LRRK2: variants seen among roughly 807,000 people sequenced by gnomAD.
LRRK2 encodes the protein leucine-rich repeat serine/threonine-protein kinase 2.
In LRRK2, 203 loss-of-function variants were observed where a neutral mutation model predicts 302.6. The ratio of observed to expected loss-of-function variants is 0.67; its 90% CI spans 0.60 to 0.75. The LOEUF is 0.75. Ranked by LOEUF, LRRK2 falls within the 30% of genes least tolerant of loss-of-function variation. The probability of loss-of-function intolerance (pLI) is 0.00; values close to 1 mark genes in which losing one functional copy is unlikely to be tolerated. For missense variants in LRRK2, 2,830 were observed against 2,951.0 expected, an observed-to-expected ratio of 0.96 and a Z score of 0.95; for synonymous variants, 1,066 against 1,031.9, an observed-to-expected ratio of 1.03 and a Z score of -0.63.
At chr12:40,326,915 A>G (rs182745556) in intron 38 of LRRK2, among the ~76,000 whole-genome samples, 72 of 152,320 alleles carry the variant, frequency 4.7e-4, no homozygotes, top group African/African-American at 1.6e-3. Flanking sequence ...AAATAAGTTA[A>G]TTATTTTAAT....
intron 30 of LRRK2, 127 bp from the exon 31 acceptor site, chr12:40,310,304 T>C (rs1160192082): frequency 1.1e-6 from 1 of 883,310 alleles, no homozygotes; most frequent in Non-Finnish European, 1.9e-6. Flanking sequence ...TGTTCTTTTC[T>C]TCTTCTGAAG....
intron 39 of LRRK2, among the ~76,000 whole-genome samples, chr12:40,333,859 T>C (rs1238493434): frequency 6.6e-6 from 1 of 151,750 alleles, no homozygotes; most frequent in Non-Finnish European, 1.5e-5. Context: ...GACCCTATGA[T>C]GGGAAGAAGC....
intron 7 of LRRK2, among the ~76,000 whole-genome samples, chr12:40,243,960 T>A (rs935909574): frequency 1.3e-5 from 2 of 152,144 alleles, no homozygotes; most frequent in Admixed American, 6.6e-5. Flanking sequence ...GATGTAGTTC[T>A]ATAGATGAGT....
chr12:40,275,136 A>T, intron 16 of LRRK2, 143 bp downstream of exon 16: 1 of 929,346 alleles, frequency 1.1e-6, no homozygotes, highest in Non-Finnish European at 1.7e-6. Context: ...TAATTATACA[A>T]GCAAAGAAAA....
rs776146579 is a variant in LRRK2, at chr12:40,308,445, A to C, written c.3960-22A>C. 3.8e-5 allele frequency: 60 copies of C among 1,583,348 alleles called. No individual in the cohort carries two copies. In the Admixed American group the frequency reaches 1.0e-3, roughly 27 times the overall value. ...ATACTTTTAAGCAGTTTATTATTTT[A>C]TTTTTATCTTTCAAATACTAGGTTT... On this transcript the variant is annotated intron_variant, in intron 28 of 50. Coordinates refer to ENST00000298910, the MANE Select transcript of LRRK2 (RefSeq NM_198578.4).
intron 16 of LRRK2, among the ~76,000 whole-genome samples, chr12:40,277,080 A>G (rs542430274): frequency 1.3e-5 from 2 of 152,288 alleles, no homozygotes; most frequent in East Asian, 3.9e-4. Context: ...GGCTCAAGCA[A>G]TCCCACAGTG....
Position 40,308,430 on chromosome 12 carries a change from G to A in LRRK2, c.3960-37G>A, listed in dbSNP as rs771969802. The A allele has an allele frequency of 9.3e-6, 14 of 1,506,986 alleles. No individual in the cohort carries two copies. The South Asian group carries it at 1.6e-4, about 17-fold the overall frequency. The allele number at this position is 1,506,986 out of a possible 1,614,324, so 93.4% of individuals were successfully genotyped here. A position where few individuals can be genotyped will look rare whatever the true frequency, so the allele number is the denominator to read the frequency against. On this transcript the variant is annotated intron_variant, in intron 28 of 50. Transcript: ENST00000298910. ...ACCTAAATCTCAAGTATACTTTTAA[G>A]CAGTTTATTATTTTATTTTTATCTT... is the stretch of plus-strand genomic sequence containing the variant.
At chr12:40,278,633 A>G (rs950078654) in intron 18 of LRRK2, among the ~76,000 whole-genome samples, 2 of 152,134 alleles carry the variant, frequency 1.3e-5, no homozygotes, top group Admixed American at 6.5e-5. Context: ...TTCTTTGCCT[A>G]GAAAGTTCTC....
chr12:40,257,699 A>G (rs925908599), intron 12 of LRRK2, among the ~76,000 whole-genome samples: 3 of 152,236 alleles, frequency 2.0e-5, no homozygotes, highest in African/African-American at 7.2e-5. Flanking sequence ...TGTGAAAGTT[A>G]TAAAAGATAA....
intron 3 of LRRK2, among the ~76,000 whole-genome samples, chr12:40,233,441 A>G (rs1158461919): frequency 6.6e-6 from 1 of 152,220 alleles, no homozygotes; most frequent in Admixed American, 6.5e-5. Flanking sequence ...GTGTTTGTCC[A>G]TAAGTGAACA....
chr12:40,315,326 CG>C, intron 33 of LRRK2, 26 bp downstream of exon 33: 1 of 1,567,778 alleles, frequency 6.4e-7, no homozygotes, highest in Admixed American at 1.7e-5. Flanking sequence ...TTTTGTGGCA[CG>C]GGGGTTATGG....
chr12:40,361,086 C>T (rs915159328), intron 47 of LRRK2, among the ~76,000 whole-genome samples: 2 of 152,066 alleles, frequency 1.3e-5, no homozygotes, highest in Non-Finnish European at 2.9e-5. Flanking sequence ...TGGGCCCTAC[C>T]TCAGACCAAT....
rs142565063 is a variant in LRRK2, at chr12:40,236,192, A to G, written c.436+478A>G. The stretch of plus-strand genomic sequence containing the variant: ...TGTTCTGGAGTATGCCATAATCGTT[A>G]CATTTTGAAAACACATAGTATTACT... On this transcript the variant is annotated intron_variant, in intron 4 of 50. Coordinates refer to ENST00000298910, the MANE Select transcript of LRRK2 (RefSeq NM_198578.4). 2.4e-4 allele frequency among the ~76,000 whole-genome samples: 37 copies of G among 152,278 alleles called. No homozygotes were observed. In the East Asian group the frequency reaches 6.9e-3, roughly 29 times the overall value.
rs1026535488 is a variant in LRRK2, at chr12:40,232,505, G to A, written c.347+122G>A. The A allele has an allele frequency of 7.9e-6, 6 of 756,142 alleles. No homozygotes were observed. In the East Asian group the frequency reaches 1.3e-4, roughly 17 times the overall value. 46.8% of individuals were successfully genotyped at this position (756,142 alleles called of 1,614,324 possible). On this transcript the variant is annotated intron_variant, in intron 3 of 50. Transcript: ENST00000298910. ...CTCCTGTGGAATTCTTTAAAATACA[G>A]ATATTTTTCCTTGAGTCAATGATTT...
chr12:40,368,744 T>C lies in LRRK2; in HGVS notation c.*979T>C, dbSNP rs10784548. On this transcript the variant is annotated 3_prime_UTR_variant, in exon 51 of 51. Coordinates refer to ENST00000298910, the MANE Select transcript of LRRK2 (RefSeq NM_198578.4). ...ACAGCTCCTACCAAGACCATGAGGATAAATATCTAACACTTTTCAGTTGCT... is the reference window on the plus strand; with the variant it reads ...ACAGCTCCTACCAAGACCATGAGGACAAATATCTAACACTTTTCAGTTGCT... 93,015 of 150,826 alleles carry C rather than the reference T, an allele frequency of 0.62. 29,088 individuals are homozygous for C. The highest frequency in any genetic ancestry group is 0.67 in the Non-Finnish European group (44,939 of 67,362). The allele number at this position is 150,826 out of a possible 1,614,324, so 9.3% of individuals were successfully genotyped here.
rs773922975 is a variant in LRRK2 at position 40,364,874 on chromosome 12, A to G, written c.7214A>G (p.Lys2405Arg). ...ATGGTAAAAGAAAACAAGGAATCAA[A>G]ACACAAAATGTCTTATTCTGGGAGA... The part of the protein sequence containing the change: ...EVMVKENKES[K>R]HKMSYSGRVK... Residue 2405 changes from lysine (K) to arginine (R), a missense_variant, in exon 49 of 51, where the codon AAA becomes AGA. This residue lies in a region of LRRK2 where 456 missense variants were observed against 456.3 expected (regional missense o/e 1.00). Transcript: ENST00000298910. 2.5e-6 allele frequency: 4 copies of G among 1,612,324 alleles called. No individual in the cohort carries two copies. In the East Asian group the frequency reaches 8.9e-5, roughly 36 times the overall value.
chr12:40,277,621 T>C (rs957136228), intron 16 of LRRK2, among the ~76,000 whole-genome samples: 2 of 152,202 alleles, frequency 1.3e-5, no homozygotes, highest in African/African-American at 4.8e-5. Context: ...AAAACCAAAT[T>C]TGAGGGTATT....
Position 40,354,522 on chromosome 12 carries a change from A to G in LRRK2, c.6770+30A>G, listed in dbSNP as rs1946466600. ...GGTAGTGAATTTGATCAATGGGGAA[A>G]TTACAGATCTTTTAAACGACTGAAT... On this transcript the variant is annotated intron_variant, in intron 45 of 50. Transcript: ENST00000298910. 5.7e-6 allele frequency: 9 copies of G among 1,582,650 alleles called. No individual in the cohort carries two copies. The East Asian group carries it at 6.7e-5, about 12-fold the overall frequency.
intron 5 of LRRK2, among the ~76,000 whole-genome samples, chr12:40,239,923 A>G (rs192649852): frequency 4.1e-4 from 62 of 152,280 alleles, no homozygotes; most frequent in African/African-American, 1.4e-3. Context: ...AATGACTCCA[A>G]ATGGAACTTA....
Sources: gnomAD v4.1 joint callset for allele counts (sites outside exome capture counted in the v4.1 genomes callset) on GRCh38, gnomAD v4.1.1 for gene constraint, gnomAD v4.1.1 regional missense constraint, MANE v1.5 for transcripts, NCBI Gene and HGNC (gene_info 2026-07-23, HGNC 2026-07-21) for gene names.